Variants in SLIT2 observed in about 807,000 individuals in gnomAD.
SLIT2 encodes slit homolog 2 protein.
Under a neutral mutation model 185.7 loss-of-function variants are expected in SLIT2, and 41 were observed. That is an observed-to-expected ratio of 0.22 (90% CI 0.17 to 0.29). SLIT2 has a LOEUF of 0.29. Ranked by LOEUF, SLIT2 falls within the 10% of genes least tolerant of loss-of-function variation. The probability of loss-of-function intolerance (pLI) is 1.00; values close to 1 mark genes in which losing one functional copy is unlikely to be tolerated. For synonymous variants in SLIT2, 693 were observed against 680.2 expected (o/e 1.02, Z -0.29); for missense variants, 1,571 against 1,909.0 (o/e 0.82, Z 3.30).
chr4:20,470,635 G>A (rs1714893354), intron 5 of SLIT2, among the ~76,000 whole-genome samples: 1 of 151,914 alleles, frequency 6.6e-6, no homozygotes, highest in Non-Finnish European at 1.5e-5. Flanking sequence ...GAGTGCAGTG[G>A]CACAATCTCA....
At chr4:20,498,626 G>A (rs1320374425) in intron 9 of SLIT2, among the ~76,000 whole-genome samples, 2 of 152,158 alleles carry the variant, frequency 1.3e-5, no homozygotes, top group Non-Finnish European at 1.5e-5. Context: ...AGAATATTTA[G>A]TAAGAATGTA....
chr4:20,268,315 A>G (rs1360977332), intron 3 of SLIT2, among the ~76,000 whole-genome samples: 1 of 151,148 alleles, frequency 6.6e-6, no homozygotes, highest in Non-Finnish European at 1.5e-5. Flanking sequence ...TATGGGACAA[A>G]TCATGCTGAC....
At chr4:20,307,650 A>T (rs1276385214) in intron 4 of SLIT2, among the ~76,000 whole-genome samples, 1 of 152,220 alleles carries the variant, frequency 6.6e-6, no homozygotes, top group Admixed American at 6.5e-5. Flanking sequence ...CTGCATTAAG[A>T]CATTCAAGAC....
At chr4:20,467,475 T>C (rs1577712105) in intron 4 of SLIT2, among the ~76,000 whole-genome samples, 5 of 152,202 alleles carry the variant, frequency 3.3e-5, no homozygotes, top group Admixed American at 3.3e-4. Flanking sequence ...ACAGATACAG[T>C]GACTCTTAAA....
intron 4 of SLIT2, among the ~76,000 whole-genome samples, chr4:20,463,628 A>G (rs997541793): frequency 2.7e-5 from 4 of 149,580 alleles, no homozygotes; most frequent in Non-Finnish European, 5.9e-5. Context: ...TAATCCTAGT[A>G]TTTTGGGAGG....
chr4:20,273,127 A>C (rs1713800982), intron 4 of SLIT2, among the ~76,000 whole-genome samples: 1 of 152,126 alleles, frequency 6.6e-6, no homozygotes, highest in East Asian at 1.9e-4. Flanking sequence ...TAATTTGTTC[A>C]GCATAACAAA....
intron 4 of SLIT2, among the ~76,000 whole-genome samples, chr4:20,277,086 G>A (rs1271648536): frequency 6.6e-6 from 1 of 152,096 alleles, no homozygotes; most frequent in Non-Finnish European, 1.5e-5. Context: ...GTGGGAACTT[G>A]GTTCAGAGCA....
At chr4:20,280,834 T>G (rs917731931) in intron 4 of SLIT2, among the ~76,000 whole-genome samples, 1 of 109,038 alleles carries the variant, frequency 9.2e-6, no homozygotes, top group Non-Finnish European at 2.2e-5. Context: ...TAAAAAAATG[T>G]TTTTTTTTTT....
intron 1 of SLIT2, among the ~76,000 whole-genome samples, chr4:20,256,316 T>TGGG (rs71181554): frequency 0.028 from 4,192 of 149,358 alleles, 167 homozygotes; most frequent in African/African-American, 0.087. Context: ...ACTTTTTTTT[T>TGGG]GGGGGGGGTG....
intron 12 of SLIT2, among the ~76,000 whole-genome samples, chr4:20,521,470 C>T (rs1046107837): frequency 6.6e-6 from 1 of 152,180 alleles, no homozygotes; most frequent in East Asian, 1.9e-4. Flanking sequence ...AAAGTGAGTA[C>T]AAACTGCATA....
intron 26 of SLIT2, 42 bp downstream of exon 26, chr4:20,554,010 T>C (rs1431896023): frequency 1.3e-5 from 19 of 1,453,622 alleles, no homozygotes; most frequent in Non-Finnish European, 1.8e-5. Flanking sequence ...AGAATTACTA[T>C]ATTAAGTAAA....
chr4:20,366,279 T>C (rs532365991), intron 4 of SLIT2, among the ~76,000 whole-genome samples: 7 of 152,282 alleles, frequency 4.6e-5, no homozygotes, highest in Non-Finnish European at 8.8e-5. Context: ...CTTCGTACAA[T>C]GTATAAATGA....
At chr4:20,270,306 T>G (rs1713469726) in intron 4 of SLIT2, among the ~76,000 whole-genome samples, 1 of 151,956 alleles carries the variant, frequency 6.6e-6, no homozygotes, top group South Asian at 2.1e-4. Context: ...GGAATCGACT[T>G]GGATTAATTT....
intron 30 of SLIT2, among the ~76,000 whole-genome samples, chr4:20,595,292 A>C (rs771183746): frequency 9.9e-5 from 15 of 152,110 alleles, no homozygotes; most frequent in Non-Finnish European, 1.3e-4. Context: ...ATTTCCAGTA[A>C]ATTTTACAAC....
Position 20,488,901 on chromosome 4 carries a change from C to A in SLIT2, c.694C>A (p.Leu232Met). The change falls in exon 8 of 37, where the codon CTG (leucine) becomes ATG (methionine). Residue 232 changes from leucine (L) to methionine (M), a missense_variant. Transcript: ENST00000504154. Reference sequence around the variant, plus strand: ...GCTTCGCCAAAGGCCTCGGGTTGGTCTGTACACTCAGTGTATGGGCCCCTC... The same window carrying A: ...GCTTCGCCAAAGGCCTCGGGTTGGTATGTACACTCAGTGTATGGGCCCCTC... ...DWLRQRPRVG[L>M]YTQCMGPSHL... The A allele has an allele frequency of 6.2e-7, 1 of 1,612,962 alleles. No homozygotes were observed. Among genetic ancestry groups the A allele is most frequent in the South Asian group, 1.1e-5 (1 of 90,940 alleles).
intron 4 of SLIT2, among the ~76,000 whole-genome samples, chr4:20,306,898 T>A (rs1430277200): frequency 6.6e-6 from 1 of 152,136 alleles, no homozygotes; most frequent in Non-Finnish European, 1.5e-5. Flanking sequence ...ATTATAGTAC[T>A]TAATTTTCTA....
At chr4:20,432,460 C>T (rs1414069218) in intron 4 of SLIT2, among the ~76,000 whole-genome samples, 2 of 150,058 alleles carry the variant, frequency 1.3e-5, no homozygotes, top group East Asian at 3.9e-4. Flanking sequence ...ACAAGGACCA[C>T]GATCAACTGG....
At position 20,252,620 on chromosome 4, in the gene SLIT2, CTCT is replaced by C. The variant is rs1425646372; in HGVS notation, c.-1194_-1192del. ...TGGCTCTGCGCCCTCCGGAACCCGG[CTCT>C]TGTTTCTTCTACCTTTGCCATCAGG... On this transcript the variant is annotated 5_prime_UTR_variant, in exon 1 of 37. Transcript: ENST00000504154. Among the ~76,000 whole-genome samples, 1 of 152,244 alleles carries C rather than the reference CTCT, an allele frequency of 6.6e-6. No homozygotes were observed. Among genetic ancestry groups the C allele is most frequent in the Non-Finnish European group, 1.5e-5 (1 of 68,050 alleles).
chr4:20,392,020 G>A (rs1224724324), intron 4 of SLIT2, among the ~76,000 whole-genome samples: 2 of 152,050 alleles, frequency 1.3e-5, no homozygotes, highest in Non-Finnish European at 1.5e-5. Flanking sequence ...TTGATAGTAT[G>A]CCAGTTGTTA....
Sources: gnomAD v4.1 joint callset for allele counts (sites outside exome capture counted in the v4.1 genomes callset) on GRCh38, gnomAD v4.1.1 for gene constraint, MANE v1.5 for transcripts, NCBI Gene and HGNC (gene_info 2026-07-23, HGNC 2026-07-21) for gene names.